Variants in ASIC4 observed in about 807,000 individuals in gnomAD.
ASIC4 encodes acid sensing ion channel subunit family member 4.
A neutral mutation model predicts 53.4 loss-of-function variants in ASIC4; 28 were observed. That is an observed-to-expected ratio of 0.52 (90% confidence interval 0.39 to 0.72). ASIC4 has a LOEUF of 0.72. Among genes scored for constraint, ASIC4 ranks in the 30% least tolerant of loss-of-function variants. The pLI is 0.00. For missense variants in ASIC4, 649 were observed against 729.7 expected (o/e 0.89, Z 1.27); for synonymous variants, 289 against 301.4 (o/e 0.96, Z 0.43).
intron 1 of ASIC4, among the ~76,000 whole-genome samples, chr2:219,523,352 CG>C (rs34134075): frequency 0.035 from 5,393 of 152,268 alleles, 314 homozygotes; most frequent in African/African-American, 0.12. Context: ...CGGCGCCCGC[CG>C]GGGACCACAG....
Position 219,535,155 on chromosome 2 carries a change from T to C in ASIC4, c.1076-16T>C, listed in dbSNP as rs1244870723. ...CTTCTCCAACTCCCACTGTAGCTGC[T>C]ACCTCTGTGTTGCAGACTCCCTGGG... On this transcript the variant is annotated splice_polypyrimidine_tract_variant and intron_variant, in intron 5 of 9. Coordinates refer to ENST00000358078, the MANE Select transcript of ASIC4 (RefSeq NM_018674.6). The C allele has an allele frequency of 1.9e-6, 3 of 1,606,848 alleles. No individual in the cohort carries two copies. The highest frequency in any genetic ancestry group is 2.6e-6 in the Non-Finnish European group (3 of 1,175,952).
chr2:219,532,265 G>A (rs1421240251), intron 3 of ASIC4, 50 bp from the exon 4 acceptor site: 1 of 1,598,498 alleles, frequency 6.3e-7, no homozygotes, highest in Non-Finnish European at 8.6e-7. Context: ...GGGCACTGGA[G>A]GACTGGGTGG....
intron 1 of ASIC4, among the ~76,000 whole-genome samples, chr2:219,531,006 G>A (rs567946355): frequency 8.5e-5 from 13 of 152,120 alleles, no homozygotes; most frequent in Non-Finnish European, 1.6e-4. Context: ...GGCAAAATGA[G>A]GGTTGCTGGA....
At position 219,514,626 on chromosome 2, in the gene ASIC4, C is replaced by T. The variant is rs1187511515; in HGVS notation, c.-99C>T. 3 of 1,609,370 alleles carry T rather than the reference C, an allele frequency of 1.9e-6. No homozygotes were observed. The highest frequency in any genetic ancestry group is 1.3e-5 in the African/African-American group (1 of 74,966). On this transcript the variant is annotated 5_prime_UTR_variant, in exon 1 of 10. Transcript: ENST00000358078. ...CCCGCTTGCCCTGAGTTTAGAAGAGCAGCCGCTGCCACCACTGCCACTCGG... is the reference window on the plus strand; with the variant it reads ...CCCGCTTGCCCTGAGTTTAGAAGAGTAGCCGCTGCCACCACTGCCACTCGG...
chr2:219,514,837 C>T lies in ASIC4; in HGVS notation c.113C>T (p.Ala38Val), dbSNP rs781330786. 30 of 1,612,954 alleles carry T rather than the reference C, an allele frequency of 1.9e-5. No homozygotes were observed. The East Asian group carries it at 2.0e-4, about 11-fold the overall frequency. ...SLLGAVAPGA[A>V]PRDLATFAST... ...CTCGGGGCTGTTGCCCCTGGAGCAG[C>T]CCCCCGAGACCTGGCCACCTTTGCC... Residue 38 changes from alanine to valine, a missense_variant, in exon 1 of 10, where the codon GCC (alanine) becomes GTC (valine). Coordinates refer to ENST00000358078, the MANE Select transcript of ASIC4 (RefSeq NM_018674.6).
intron 5 of ASIC4, chr2:219,533,188 T>C: frequency 1.8e-6 from 1 of 571,006 alleles, no homozygotes; most frequent in South Asian, 2.1e-5. Flanking sequence ...AGTGAAGGTC[T>C]GGGCTTCTCA....
intron 1 of ASIC4, among the ~76,000 whole-genome samples, chr2:219,523,642 G>C (rs903524825): frequency 2.1e-4 from 32 of 152,170 alleles, no homozygotes; most frequent in African/African-American, 7.5e-4. Context: ...CTTGTTTAGA[G>C]AAGTTTTTCC....
chr2:219,533,089 T>C (rs6731344), intron 5 of ASIC4, 150 bp downstream of exon 5: 834,303 of 844,610 alleles, frequency 0.99, 412,638 homozygotes, highest in East Asian at 1. Flanking sequence ...TCAGTGGGGT[T>C]GGGGAGAGGT....
At chr2:219,530,272 C>G (rs1039483316) in intron 1 of ASIC4, among the ~76,000 whole-genome samples, 4 of 152,268 alleles carry the variant, frequency 2.6e-5, no homozygotes, top group African/African-American at 9.6e-5. Flanking sequence ...GTTCTCCACC[C>G]CTGCCGCTGC....
intron 1 of ASIC4, among the ~76,000 whole-genome samples, chr2:219,519,270 A>T (rs1413521753): frequency 1.3e-5 from 2 of 152,218 alleles, no homozygotes; most frequent in African/African-American, 4.8e-5. Flanking sequence ...TACCTGGCAC[A>T]CACATCGTAT....
At chr2:219,533,019 C>T in intron 5 of ASIC4, 80 bp downstream of exon 5, 1 of 1,433,962 alleles carries the variant, frequency 7.0e-7, no homozygotes, top group Admixed American at 1.7e-5. Context: ...TGTCTTGGAT[C>T]CTCCCCTCCC....
chr2:219,532,642 A>C, intron 4 of ASIC4, 165 bp downstream of exon 4: 1 of 1,044,042 alleles, frequency 9.6e-7, no homozygotes, highest in Non-Finnish European at 1.4e-6. Flanking sequence ...ACATGGTTTC[A>C]CATATGCATG....
chr2:219,523,824 C>CT lies in ASIC4; in HGVS notation c.583-7920dup, dbSNP rs35642288. On this transcript the variant is annotated intron_variant, in intron 1 of 9. Transcript: ENST00000358078. ...TTATGTTGTAAGTGCCCCATAAGCACTTTTTTTTTTTTTTGAGACAGGGTC... is the reference window on the plus strand; with the variant it reads ...TTATGTTGTAAGTGCCCCATAAGCACTTTTTTTTTTTTTTTGAGACAGGGTC... Among the ~76,000 whole-genome samples the CT allele has an allele frequency of 3.1e-3, 446 of 146,084 alleles. 2 individuals are homozygous for CT. Among genetic ancestry groups the CT allele is most frequent in the African/African-American group, 7.5e-3 (296 of 39,564 alleles).
chr2:219,532,020 A>C lies in ASIC4; in HGVS notation c.747A>C (p.Ala249=). The C allele has an allele frequency of 6.2e-7, 1 of 1,614,202 alleles. No homozygotes were observed. The highest frequency in any genetic ancestry group is 8.5e-7 in the Non-Finnish European group (1 of 1,180,026). Residue 249 remains alanine (A), a synonymous_variant, in exon 3 of 10, where the codon GCA becomes GCC. Transcript: ENST00000358078. The stretch of plus-strand genomic sequence containing the variant: ...GTGCAGATGAGACGTCGTTTGAGGC[A>C]GGTATTCGGGTGCAGATCCACAGCC... ...WRETNETSFE[A]GIRVQIHSQE...
chr2:219,532,985 G>A (rs768937544), intron 5 of ASIC4, 46 bp downstream of exon 5: 6 of 1,568,702 alleles, frequency 3.8e-6, no homozygotes, highest in Non-Finnish European at 5.3e-6. Flanking sequence ...GCCTCTTCAT[G>A]TCTCTGTCCA....
At chr2:219,508,572 C>T in the ASIC4 span, among the ~76,000 whole-genome samples, 1 of 151,982 alleles carries the variant, frequency 6.6e-6, no homozygotes, top group South Asian at 2.1e-4. Context: ...CTAAGAAGGA[C>T]ATGCCCCCCC....
the ASIC4 span, among the ~76,000 whole-genome samples, chr2:219,508,422 G>T: frequency 1.3e-5 from 2 of 152,268 alleles, no homozygotes; most frequent in South Asian, 4.2e-4. Context: ...GGGACATGGT[G>T]GGGAGAGGCA....
upstream of ASIC4, among the ~76,000 whole-genome samples, chr2:219,509,941 C>G (rs887638961): frequency 6.6e-6 from 1 of 152,096 alleles, no homozygotes; most frequent in Non-Finnish European, 1.5e-5. The surrounding 1 kb of genome is among the most constrained non-coding windows in gnomAD (Gnocchi z 5.2). Context: ...CAAATCCGCC[C>G]GTTCTCGATC....
chr2:219,535,906 G>A (rs1695129941), intron 6 of ASIC4, among the ~76,000 whole-genome samples: 1 of 151,738 alleles, frequency 6.6e-6, no homozygotes, highest in Admixed American at 6.6e-5. Flanking sequence ...CCAAATAGCT[G>A]GGATTATAGG....
Sources: gnomAD v4.1 joint callset for allele counts (sites outside exome capture counted in the v4.1 genomes callset) on GRCh38, gnomAD v4.1.1 for gene constraint, Gnocchi (gnomAD v3.1) non-coding constraint, MANE v1.5 for transcripts, NCBI Gene and HGNC (gene_info 2026-07-23, HGNC 2026-07-21) for gene names.